Variants in USH2A observed in about 807,000 individuals in gnomAD.
The protein encoded by USH2A is usherin, also known as Usher syndrome 2A (autosomal recessive, mild).
In USH2A, 443 loss-of-function variants were observed where a neutral mutation model predicts 538.9. The observed-to-expected ratio is 0.82, with a 90% CI of 0.76 to 0.89. USH2A has a LOEUF of 0.89. USH2A is among the 40% of genes least tolerant of loss of function. The probability of loss-of-function intolerance (pLI) is 0.00; values close to 1 mark genes in which losing one functional copy is unlikely to be tolerated. For missense variants in USH2A, 6,633 were observed against 6,324.8 expected (o/e 1.05, Z -1.65); for synonymous variants, 2,413 against 2,273.5 (o/e 1.06, Z -1.75).
chr1:216,365,126 C>T, intron 3 of USH2A, 41 bp from the exon 4 acceptor site: 1 of 1,586,162 alleles, frequency 6.3e-7, no homozygotes, highest in East Asian at 2.3e-5. Context: ...AGTGCATAAA[C>T]TTTTATTTTA....
chr1:215,814,507 A>G (rs975800409), intron 48 of USH2A, among the ~76,000 whole-genome samples: 1 of 152,116 alleles, frequency 6.6e-6, no homozygotes, highest in African/African-American at 2.4e-5. Context: ...ATTTTCTAGC[A>G]TGAAAGATTG....
At chr1:216,350,382 C>T (rs962302501) in intron 4 of USH2A, among the ~76,000 whole-genome samples, 2 of 152,110 alleles carry the variant, frequency 1.3e-5, no homozygotes, top group Admixed American at 1.3e-4. Flanking sequence ...GCATTAACTC[C>T]AAAGTCCAAA....
chr1:215,999,090 A>T, intron 33 of USH2A, 32 bp from the exon 34 acceptor site: 1 of 1,582,340 alleles, frequency 6.3e-7, no homozygotes, highest in Non-Finnish European at 8.7e-7. Context: ...ATTATCATTC[A>T]TTCAAGTCAA....
In USH2A at chr1:215,624,026, A is replaced by G. The variant is rs1655906457; in HGVS notation, c.*1755T>C. 6.6e-6 allele frequency: 1 copy of G among 152,176 alleles called. No homozygotes were observed. The highest frequency in any genetic ancestry group is 1.5e-5 in the Non-Finnish European group (1 of 68,032). The allele number at this position is 152,176 out of a possible 1,614,324, so 9.4% of individuals were successfully genotyped here. On this transcript the variant is annotated 3_prime_UTR_variant, in exon 72 of 72. Transcript: ENST00000307340. ...ATGCTTATTTGTGCCAGCTTTAAACAACTTTATTGTCCCAGAATCGGCATA... is the reference window on the plus strand; with the variant it reads ...ATGCTTATTTGTGCCAGCTTTAAACGACTTTATTGTCCCAGAATCGGCATA...
intron 11 of USH2A, among the ~76,000 whole-genome samples, chr1:216,286,345 G>A (rs917768488): frequency 1.2e-4 from 19 of 152,254 alleles, no homozygotes; most frequent in Middle Eastern, 3.4e-3. Flanking sequence ...TCTCTTGCCT[G>A]CTGCCATGTA....
At chr1:215,636,255 G>C (rs1656480376) in intron 69 of USH2A, among the ~76,000 whole-genome samples, 1 of 152,126 alleles carries the variant, frequency 6.6e-6, no homozygotes, top group Non-Finnish European at 1.5e-5. Context: ...AGACTTAAAG[G>C]AAAAAAGTTC....
chr1:215,938,689 A>G (rs1666564138), intron 37 of USH2A, among the ~76,000 whole-genome samples: 1 of 151,924 alleles, frequency 6.6e-6, no homozygotes, highest in South Asian at 2.1e-4. Context: ...TGGAACCGCA[A>G]CTCCCCACTG....
At chr1:215,931,290 G>A (rs774902871) in intron 38 of USH2A, among the ~76,000 whole-genome samples, 3 of 151,788 alleles carry the variant, frequency 2.0e-5, no homozygotes, top group Non-Finnish European at 4.4e-5. Context: ...AGGTAGGACT[G>A]GCAAATAAGA....
intron 44 of USH2A, among the ~76,000 whole-genome samples, chr1:215,865,910 G>A (rs1278282532): frequency 6.6e-6 from 1 of 152,094 alleles, no homozygotes; most frequent in African/African-American, 2.4e-5. Flanking sequence ...ATATCACTCA[G>A]GTGTCCTAAA....
intron 21 of USH2A, among the ~76,000 whole-genome samples, chr1:216,168,733 A>G (rs1558295395): frequency 6.6e-6 from 1 of 152,128 alleles, no homozygotes; most frequent in East Asian, 1.9e-4. Flanking sequence ...TGGAAAATTT[A>G]AGATCAGTGT....
chr1:215,924,889 A>G (rs1277909191), intron 38 of USH2A, among the ~76,000 whole-genome samples: 7 of 152,090 alleles, frequency 4.6e-5, no homozygotes, highest in Non-Finnish European at 8.8e-5. Flanking sequence ...GTATGCAAAT[A>G]TGGAGAGCTG....
chr1:216,385,721 T>G (rs2038992890), intron 3 of USH2A, among the ~76,000 whole-genome samples: 1 of 152,340 alleles, frequency 6.6e-6, no homozygotes, highest in East Asian at 1.9e-4. Context: ...TCAGCTTTAT[T>G]CCGGTTTCTA....
intron 14 of USH2A, among the ~76,000 whole-genome samples, chr1:216,225,967 T>G (rs1465201341): frequency 6.6e-6 from 1 of 152,030 alleles, no homozygotes; most frequent in African/African-American, 2.4e-5. Flanking sequence ...ATGTAGTGGT[T>G]GAAATCAGGG....
chr1:216,262,517 A>G (rs545006645), intron 11 of USH2A, among the ~76,000 whole-genome samples: 15 of 152,206 alleles, frequency 9.9e-5, no homozygotes, highest in African/African-American at 3.6e-4. Context: ...AAATAACTCA[A>G]GCAGACAGAA....
intron 11 of USH2A, among the ~76,000 whole-genome samples, chr1:216,285,077 G>C (rs906066174): frequency 4.6e-5 from 7 of 152,218 alleles, no homozygotes; most frequent in Non-Finnish European, 7.3e-5. Flanking sequence ...ACATTTTCCG[G>C]AGAGAAATTC....
At position 215,888,839 on chromosome 1, in the gene USH2A, T is replaced by C. The variant is rs761850134; in HGVS notation, c.7810A>G (p.Thr2604Ala). 3.1e-6 allele frequency: 5 copies of C among 1,614,024 alleles called. No individual in the cohort carries two copies. The highest frequency in any genetic ancestry group is 4.2e-6 in the Non-Finnish European group (5 of 1,180,016). ...GGTGAAAGGGAACATCCTTTTGAAG[T>C]GCAGGCTTCTACCTGAAACTTATAG... is the stretch of plus-strand genomic sequence containing the variant. ...TAYKFQVEACTSKGCSLSPES... is the reference protein window; with the variant it reads ...TAYKFQVEACASKGCSLSPES... Residue 2604 changes from threonine (T) to alanine (A), a missense_variant, in exon 41 of 72, where the codon ACT becomes GCT. Physicochemically the swap from Thr to Ala is moderately conservative, Grantham distance 58. Coordinates refer to ENST00000307340, the MANE Select transcript of USH2A (RefSeq NM_206933.4).
At chr1:216,044,410 T>C (rs1048666130) in intron 32 of USH2A, among the ~76,000 whole-genome samples, 4 of 152,146 alleles carry the variant, frequency 2.6e-5, no homozygotes, top group Non-Finnish European at 5.9e-5. Flanking sequence ...GGTTCAAAGA[T>C]GTAATATATG....
At position 215,970,361 on chromosome 1, in the gene USH2A, G is replaced by T. The variant is rs187599685; in HGVS notation, c.6957+264C>A. Among the ~76,000 whole-genome samples the T allele has an allele frequency of 3.9e-3, 593 of 152,224 alleles. 4 individuals carry two copies. Among genetic ancestry groups the T allele is most frequent in the Middle Eastern group, 0.01 (3 of 292 alleles). ...GTCACTAAATTAGGAAAAATTTCAT[G>T]TTTGCCTACTACACTAGCCAACTTA... On this transcript the variant is annotated intron_variant, in intron 36 of 71. Transcript: ENST00000307340.
At chr1:216,154,702 A>G (rs937200335) in intron 21 of USH2A, among the ~76,000 whole-genome samples, 6 of 152,180 alleles carry the variant, frequency 3.9e-5, no homozygotes, top group African/African-American at 1.4e-4. Flanking sequence ...GTCACTATAC[A>G]TTAATTATTA....
Sources: allele counts gnomAD v4.1 joint callset (sites outside exome capture counted in the v4.1 genomes callset), GRCh38; gene constraint gnomAD v4.1.1; transcripts MANE v1.5; gene names NCBI Gene and HGNC (gene_info 2026-07-23, HGNC 2026-07-21).